GRM7: variants seen among roughly 807,000 people sequenced by gnomAD.
GRM7 encodes the protein metabotropic glutamate receptor 7.
Under a neutral mutation model 84.5 loss-of-function variants are expected in GRM7, and 35 were observed. The observed-to-expected ratio is 0.41, with a 90% CI of 0.32 to 0.55. GRM7 has a LOEUF of 0.55. GRM7 is among the 20% of genes least tolerant of loss of function. The probability of loss-of-function intolerance (pLI) is 0.19; values close to 1 mark genes in which losing one functional copy is unlikely to be tolerated. For missense variants in GRM7, 1,003 were observed against 1,194.6 expected (o/e 0.84, Z 2.36); for synonymous variants, 487 against 455.1 (o/e 1.07, Z -0.89).
chr3:7,088,099 C>A (rs1171539031), intron 1 of GRM7, among the ~76,000 whole-genome samples: 1 of 152,146 alleles, frequency 6.6e-6, no homozygotes, highest in Non-Finnish European at 1.5e-5. Context: ...ATGAAAATTA[C>A]TGTGAAGTAT....
chr3:7,689,972 G>A (rs1700736339), intron 9 of GRM7, among the ~76,000 whole-genome samples: 1 of 152,142 alleles, frequency 6.6e-6, no homozygotes, highest in African/African-American at 2.4e-5. Context: ...TATGTGCCAA[G>A]TGTCACCAAG....
rs55732650 is a variant in GRM7 at position 7,176,229 on chromosome 3, T to TAAAAA, written c.736+29590_736+29594dup. Among the ~76,000 whole-genome samples, 332 of 63,142 alleles carry TAAAAA rather than the reference T, an allele frequency of 5.3e-3. 9 individuals are homozygous for TAAAAA. Among genetic ancestry groups the TAAAAA allele is most frequent in the African/African-American group, 0.015 (230 of 15,822 alleles). 41.4% of individuals were successfully genotyped at this position (63,142 alleles called of 152,430 possible). A position where few individuals can be genotyped will look rare whatever the true frequency, so the allele number is the denominator to read the frequency against. ...AAGGAGACCTCATCTCTATAAAAAG[T>TAAAAA]AAAAAAAAAAAAAAAAAAAAAAAAA... On this transcript the variant is annotated intron_variant, in intron 2 of 9. Transcript: ENST00000357716.
At chr3:7,074,863 C>T (rs1203515864) in intron 1 of GRM7, among the ~76,000 whole-genome samples, 1 of 152,158 alleles carries the variant, frequency 6.6e-6, no homozygotes, top group Non-Finnish European at 1.5e-5. Context: ...GCTAGCATCT[C>T]CCACTGTGCT....
intron 4 of GRM7, among the ~76,000 whole-genome samples, chr3:7,414,579 A>G (rs559050973): frequency 2.0e-5 from 3 of 152,274 alleles, no homozygotes; most frequent in East Asian, 1.9e-4. Flanking sequence ...TGAGGTTTAT[A>G]TTGGACTCAG....
chr3:7,582,931 C>G (rs17047662), intron 8 of GRM7, among the ~76,000 whole-genome samples: 6,452 of 152,222 alleles, frequency 0.042, 450 homozygotes, highest in African/African-American at 0.15. Flanking sequence ...CCAGTGGACA[C>G]GATGCCAACC....
chr3:7,363,502 T>G (rs1466350913), intron 4 of GRM7, among the ~76,000 whole-genome samples: 6 of 152,148 alleles, frequency 3.9e-5, no homozygotes. Context: ...TGACCATTTA[T>G]TTTATTTTAC....
At chr3:7,117,217 C>T (rs1441205171) in intron 1 of GRM7, among the ~76,000 whole-genome samples, 1 of 152,132 alleles carries the variant, frequency 6.6e-6, no homozygotes, top group Non-Finnish European at 1.5e-5. Flanking sequence ...TGTGTTGTGT[C>T]CTGGCACTAA....
chr3:7,439,958 G>C (rs1254000731), intron 5 of GRM7, among the ~76,000 whole-genome samples: 4 of 152,152 alleles, frequency 2.6e-5, no homozygotes, highest in Non-Finnish European at 5.9e-5. Context: ...CCAGGTTTTA[G>C]TTAAGGAAGT....
intron 2 of GRM7, among the ~76,000 whole-genome samples, chr3:7,276,203 A>ATG (rs777846167): frequency 2.2e-3 from 273 of 124,686 alleles, no homozygotes; most frequent in African/African-American, 7.1e-3. Context: ...ATATATATAT[A>ATG]TATATGTGTG....
Position 7,331,126 on chromosome 3 carries a change from C to G in GRM7, c.1033+24474C>G, listed in dbSNP as rs1010392062. On this transcript the variant is annotated intron_variant, in intron 4 of 9. Transcript: ENST00000357716. ...ACTCCACAAGATCGGGGATCCATGT[C>G]TCTCTTAGTTAATACTGTATTCCCT... 7.2e-5 allele frequency among the ~76,000 whole-genome samples: 11 copies of G among 152,200 alleles called. 1 individual carries two copies. The highest frequency in any genetic ancestry group is 2.7e-4 in the African/African-American group (11 of 41,458).
intron 5 of GRM7, among the ~76,000 whole-genome samples, chr3:7,428,874 A>C (rs371114653): frequency 6.6e-6 from 1 of 152,206 alleles, no homozygotes; most frequent in East Asian, 1.9e-4. Flanking sequence ...TTATATGATA[A>C]GCCAGTGACT....
intron 9 of GRM7, among the ~76,000 whole-genome samples, chr3:7,724,194 A>T (rs895194661): frequency 6.6e-6 from 1 of 152,140 alleles, no homozygotes; most frequent in Non-Finnish European, 1.5e-5. Flanking sequence ...AACCACTCAA[A>T]TTCCCTATCC....
chr3:7,661,814 A>AAAAAAAAAAAAAAAAAAAG, intron 8 of GRM7, among the ~76,000 whole-genome samples: 1 of 144,614 alleles, frequency 6.9e-6, no homozygotes. Flanking sequence ...AAAAAAAAAA[A>AAAAAAAAAAAAAAAAAAAG]AAAAAATGTA....
At chr3:6,990,450 CCT>C (rs1378252381) in intron 1 of GRM7, among the ~76,000 whole-genome samples, 8 of 152,036 alleles carry the variant, frequency 5.3e-5, no homozygotes, top group Non-Finnish European at 1.2e-4. Context: ...ACAAAATAAA[CCT>C]TTTTTGTTCA....
chr3:7,194,173 T>A (rs1575016115), intron 2 of GRM7, among the ~76,000 whole-genome samples: 1 of 152,136 alleles, frequency 6.6e-6, no homozygotes, highest in Admixed American at 6.6e-5. Context: ...CAGTTTGTGG[T>A]TTCCGGTTTA....
At chr3:7,364,442 T>A (rs983276830) in intron 4 of GRM7, among the ~76,000 whole-genome samples, 2 of 151,874 alleles carry the variant, frequency 1.3e-5, no homozygotes, top group South Asian at 2.1e-4. Context: ...GAATCTCTGA[T>A]CTTCTAGTGG....
At chr3:6,888,779 G>C (rs1695810681) in intron 1 of GRM7, among the ~76,000 whole-genome samples, 1 of 152,144 alleles carries the variant, frequency 6.6e-6, no homozygotes, top group African/African-American at 2.4e-5. Context: ...AAAATCATTG[G>C]TAGCTTGATG....
intron 7 of GRM7, among the ~76,000 whole-genome samples, chr3:7,541,359 G>A (rs145854847): frequency 1.2e-3 from 187 of 152,172 alleles, no homozygotes; most frequent in East Asian, 4.6e-3. Flanking sequence ...TTTTGGGGCC[G>A]TATTTTATAC....
chr3:7,303,619 TTTG>T (rs1389082088), intron 3 of GRM7, among the ~76,000 whole-genome samples: 4 of 152,048 alleles, frequency 2.6e-5, no homozygotes, highest in Non-Finnish European at 2.9e-5. Flanking sequence ...TGGAAAACAT[TTTG>T]TTGTTTTTTG....
Sources: allele counts gnomAD v4.1 joint callset (sites outside exome capture counted in the v4.1 genomes callset), GRCh38; gene constraint gnomAD v4.1.1; transcripts MANE v1.5; gene names NCBI Gene and HGNC (gene_info 2026-07-23, HGNC 2026-07-21).